WNK2: variants seen among roughly 807,000 people sequenced by gnomAD.
WNK2 encodes serine/threonine-protein kinase WNK2.
A neutral mutation model predicts 192.1 loss-of-function variants in WNK2; 67 were observed. That is an observed-to-expected ratio of 0.35 (90% CI 0.29 to 0.43). WNK2 has a LOEUF of 0.43. Among genes scored for constraint, WNK2 ranks in the 20% least tolerant of loss-of-function variants. The probability of loss-of-function intolerance (pLI) is 1.00; values close to 1 mark genes in which losing one functional copy is unlikely to be tolerated. For missense variants in WNK2, 2,698 were observed against 3,089.7 expected (o/e 0.87, Z 3.01); for synonymous variants, 1,439 against 1,393.9 (o/e 1.03, Z -0.72).
intron 2 of WNK2, among the ~76,000 whole-genome samples, chr9:93,220,887 G>T (rs1306865525): frequency 6.6e-6 from 1 of 152,186 alleles, no homozygotes; most frequent in Non-Finnish European, 1.5e-5. Flanking sequence ...GCCTGACCCA[G>T]CCTGGGTCCC....
At chr9:93,184,877 A>T in intron 1 of WNK2, 51 bp from the exon 2 acceptor site, 1 of 1,163,004 alleles carries the variant, frequency 8.6e-7, no homozygotes. Flanking sequence ...CGGCCTGGGC[A>T]GGTGCGGCAG....
chr9:93,253,010 C>G lies in WNK2; in HGVS notation c.1962C>G (p.Pro654=), dbSNP rs146460604. Residue 654 remains proline (P), a synonymous_variant, in exon 9 of 30, where the codon CCC becomes CCG. Transcript: ENST00000427277. ...CCCCGGCCCAGTGTGTGTGCAGCCC[C>G]CCTGTGAGCGAGGGGCCCGTCCTGC... ...APSPAQCVCS[P]PVSEGPVLPQ... is the part of the protein sequence containing the mutation. The G allele has an allele frequency of 1.7e-5, 26 of 1,557,310 alleles. No homozygotes were observed. The African/African-American group carries it at 3.1e-4, about 19-fold the overall frequency.
intron 23 of WNK2, among the ~76,000 whole-genome samples, chr9:93,295,770 A>G (rs148175908): frequency 1.0e-3 from 73 of 69,654 alleles, no homozygotes; most frequent in African/African-American, 3.9e-3. Flanking sequence ...TCCCCTCTCC[A>G]TCCTCCCTTC....
intron 26 of WNK2, among the ~76,000 whole-genome samples, chr9:93,302,609 G>A (rs1304753871): frequency 1.3e-5 from 2 of 152,192 alleles, no homozygotes; most frequent in Non-Finnish European, 2.9e-5. Context: ...AGATGAAACG[G>A]CCCCAGGCAG....
chr9:93,238,166 C>T, intron 5 of WNK2, 67 bp from the exon 6 acceptor site: 2 of 1,441,978 alleles, frequency 1.4e-6, no homozygotes, highest in Non-Finnish European at 1.9e-6. Flanking sequence ...GAGTTCCTCC[C>T]ACTGTGGTGG....
intron 4 of WNK2, among the ~76,000 whole-genome samples, chr9:93,232,225 T>C (rs1838933565): frequency 6.6e-6 from 1 of 152,024 alleles, no homozygotes; most frequent in Non-Finnish European, 1.5e-5. Flanking sequence ...GCTGCTTTGG[T>C]TTGGGAAGTC....
intron 19 of WNK2, among the ~76,000 whole-genome samples, chr9:93,281,368 T>G (rs905348892): frequency 1.5e-5 from 1 of 65,798 alleles, no homozygotes; most frequent in East Asian, 4.4e-3. Context: ...AATTAGAAAC[T>G]ATGCCAAAAA....
Position 93,235,112 on chromosome 9 carries a change from T to C in WNK2, c.1233+147T>C, listed in dbSNP as rs556389473. On this transcript the variant is annotated intron_variant, in intron 5 of 29. Coordinates refer to ENST00000427277, the MANE Select transcript of WNK2 (RefSeq NM_006648.4). ...TTTGCAGAGGGGGAAACTGAGGAGA[T>C]TGGCCATTTTACAGAGGGGGAAACT... 5.0e-5 allele frequency: 50 copies of C among 996,732 alleles called. No individual in the cohort carries two copies. In the African/African-American group the frequency reaches 6.2e-4, roughly 12 times the overall value. 61.7% of individuals were successfully genotyped at this position (996,732 alleles called of 1,614,324 possible). A position where few individuals can be genotyped will look rare whatever the true frequency, so the allele number is the denominator to read the frequency against.
At position 93,247,158 on chromosome 9, in the gene WNK2, G is replaced by A. The variant is rs1841867190; in HGVS notation, c.1543-385G>A. Among the ~76,000 whole-genome samples, 1 of 152,210 alleles carries A rather than the reference G, an allele frequency of 6.6e-6. No homozygotes were observed. Among genetic ancestry groups the A allele is most frequent in the Non-Finnish European group, 1.5e-5 (1 of 68,044 alleles). On this transcript the variant is annotated intron_variant, in intron 7 of 29. Coordinates refer to ENST00000427277, the MANE Select transcript of WNK2 (RefSeq NM_006648.4). This position sits in a 1 kb window ranked among gnomAD's most constrained non-coding sequence, Gnocchi z 5.2. ...CAGCCCCAGACTCAGAGACGTTTCA[G>A]GAAAATGCTAGCTCCAAAGCTCCTT...
intron 1 of WNK2, among the ~76,000 whole-genome samples, 142 bp downstream of exon 1, chr9:93,184,527 A>C (rs1587695935): frequency 6.8e-6 from 1 of 147,088 alleles, no homozygotes; most frequent in Admixed American, 6.7e-5. Flanking sequence ...CCTTCCTCCC[A>C]CCCCCGGGCT....
intron 19 of WNK2, among the ~76,000 whole-genome samples, chr9:93,271,389 T>C (rs1243620125): frequency 6.6e-6 from 1 of 152,212 alleles, no homozygotes; most frequent in Middle Eastern, 3.2e-3. Flanking sequence ...GCCATGAAAA[T>C]GTTAACTTGC....
intron 2 of WNK2, among the ~76,000 whole-genome samples, chr9:93,217,365 C>T (rs1835938276): frequency 1.3e-5 from 2 of 152,214 alleles, no homozygotes; most frequent in Admixed American, 1.3e-4. Flanking sequence ...ACATGTGTAG[C>T]TACTGTTTTG....
At chr9:93,300,790 C>T (rs1367589831) in intron 26 of WNK2, among the ~76,000 whole-genome samples, 3 of 152,158 alleles carry the variant, frequency 2.0e-5, no homozygotes, top group Non-Finnish European at 4.4e-5. Flanking sequence ...GTTCGGGCCT[C>T]CCCAGCCCCT....
chr9:93,294,251 C>T (rs908655465), intron 23 of WNK2, among the ~76,000 whole-genome samples: 4 of 152,186 alleles, frequency 2.6e-5, no homozygotes, highest in Admixed American at 6.5e-5. Context: ...TGGTCAGTGC[C>T]ATACATTGAG....
In WNK2 at chr9:93,288,863, A is replaced by T; in HGVS notation, c.4109A>T (p.Gln1370Leu). Reference sequence around the variant, plus strand: ...CTAGCCAGTCAGCAGCTCCTGAGCCAGGCGGGCCCCAGCAACCCTCCTGGG... The same window carrying T: ...CTAGCCAGTCAGCAGCTCCTGAGCCTGGCGGGCCCCAGCAACCCTCCTGGG... ...SFLASQQLLS[Q>L]AGPSNPPGAP... Residue 1370 changes from glutamine to leucine, a missense_variant, in exon 20 of 30, where the codon CAG (glutamine) becomes CTG (leucine). Transcript: ENST00000427277. 1 of 1,612,112 alleles carries T rather than the reference A, an allele frequency of 6.2e-7. No homozygotes were observed. The highest frequency in any genetic ancestry group is 8.5e-7 in the Non-Finnish European group (1 of 1,179,606).
At position 93,290,119 on chromosome 9, in the gene WNK2, C is replaced by G. The variant is rs549807268; in HGVS notation, c.4936+72C>G. The stretch of plus-strand genomic sequence containing the variant: ...TTCCTTGCCCCAGAACCTTCTGCAT[C>G]CGCACCCTCGTCTTTCATCTGTTAA... On this transcript the variant is annotated intron_variant, in intron 21 of 29. Coordinates refer to ENST00000427277, the MANE Select transcript of WNK2 (RefSeq NM_006648.4). 2.4e-5 allele frequency: 33 copies of G among 1,351,996 alleles called. No homozygotes were observed. The African/African-American group carries it at 4.4e-4, about 18-fold the overall frequency. 83.7% of individuals were successfully genotyped at this position (1,351,996 alleles called of 1,614,324 possible). A position where few individuals can be genotyped will look rare whatever the true frequency, so the allele number is the denominator to read the frequency against.
chr9:93,218,900 G>A (rs1282785739), intron 2 of WNK2, among the ~76,000 whole-genome samples: 1 of 152,230 alleles, frequency 6.6e-6, no homozygotes, highest in Non-Finnish European at 1.5e-5. Flanking sequence ...AGAACAGACG[G>A]GCGTGGGGAG....
chr9:93,313,896 G>A (rs1012993176), intron 28 of WNK2, among the ~76,000 whole-genome samples: 1 of 152,152 alleles, frequency 6.6e-6, no homozygotes, highest in South Asian at 2.1e-4. Flanking sequence ...GGGAGGCTGA[G>A]GCAGGTGGAT....
intron 12 of WNK2, among the ~76,000 whole-genome samples, chr9:93,260,204 T>C (rs940296931): frequency 5.3e-5 from 8 of 152,146 alleles, no homozygotes; most frequent in African/African-American, 1.9e-4. Context: ...ACACATGATA[T>C]GTGCCCTGCT....
Sources: allele counts gnomAD v4.1 joint callset (sites outside exome capture counted in the v4.1 genomes callset), GRCh38; gene constraint gnomAD v4.1.1; non-coding constraint Gnocchi (gnomAD v3.1); transcripts MANE v1.5; gene names NCBI Gene and HGNC (gene_info 2026-07-23, HGNC 2026-07-21).